The following MSRA variants were observed in gnomAD, a reference collection of about 807,000 sequenced individuals.
The protein encoded by MSRA is mitochondrial peptide methionine sulfoxide reductase.
In MSRA, 54 loss-of-function variants were observed where a neutral mutation model predicts 31.3. The ratio of observed to expected loss-of-function variants is 1.73; its 90% confidence interval spans 1.39 to 2.17. The LOEUF is 2.17. Among genes scored for constraint, MSRA ranks in the 30% most tolerant of loss-of-function variants. The pLI, the probability that MSRA is intolerant of heterozygous loss-of-function variation, is 0.00. For missense variants in MSRA, 507 were observed against 300.9 expected, an observed-to-expected ratio of 1.69 and a Z score of -5.07; for synonymous variants, 169 against 116.5, an observed-to-expected ratio of 1.45 and a Z score of -2.90.
At chr8:10,228,905 C>T (rs554091158) in intron 2 of MSRA, among the ~76,000 whole-genome samples, 1 of 152,130 alleles carries the variant, frequency 6.6e-6, no homozygotes, top group Non-Finnish European at 1.5e-5. Context: ...CATACTGTTT[C>T]CTAGAAAACG....
At chr8:10,283,757 A>T (rs1799762251) in intron 3 of MSRA, among the ~76,000 whole-genome samples, 1 of 139,652 alleles carries the variant, frequency 7.2e-6, no homozygotes, top group African/African-American at 2.7e-5. Context: ...GGTTGCTGTG[A>T]ATGCCATTAA....
At chr8:10,201,830 G>C (rs1359048680) in intron 1 of MSRA, among the ~76,000 whole-genome samples, 2 of 152,192 alleles carry the variant, frequency 1.3e-5, no homozygotes, top group Non-Finnish European at 2.9e-5. Context: ...TCTGTTTCTT[G>C]TCCTCATATC....
At chr8:10,397,013 G>C (rs1327395917) in intron 5 of MSRA, among the ~76,000 whole-genome samples, 2 of 152,308 alleles carry the variant, frequency 1.3e-5, no homozygotes, top group South Asian at 2.1e-4. Flanking sequence ...CAGGAACCTG[G>C]ATAAGGATTG....
chr8:10,072,609 A>T (rs1797792201), intron 1 of MSRA, among the ~76,000 whole-genome samples: 1 of 152,240 alleles, frequency 6.6e-6, no homozygotes, highest in African/African-American at 2.4e-5. Context: ...CCATATAAAC[A>T]TCCAAATAAA....
chr8:10,263,726 G>T (rs1028064370), intron 3 of MSRA, among the ~76,000 whole-genome samples: 1 of 152,198 alleles, frequency 6.6e-6, no homozygotes, highest in African/African-American at 2.4e-5. Flanking sequence ...AATAGGGAAA[G>T]AGCTGAGTAG....
chr8:10,240,329 G>A (rs1048983653), intron 2 of MSRA, among the ~76,000 whole-genome samples: 3 of 152,144 alleles, frequency 2.0e-5, no homozygotes, highest in Non-Finnish European at 2.9e-5. Flanking sequence ...CTTGGTGAGC[G>A]GGTGTGCATG....
In MSRA at chr8:10,108,753, C is replaced by T. The variant is rs963286706; in HGVS notation, c.142+54095C>T. Among the ~76,000 whole-genome samples, 14 of 152,130 alleles carry T rather than the reference C, an allele frequency of 9.2e-5. No individual in the cohort carries two copies. The East Asian group carries it at 1.7e-3, about 19-fold the overall frequency. On this transcript the variant is annotated intron_variant, in intron 1 of 5. Transcript: ENST00000317173. ...TAGCACTTATCAGAAATGCCTGGCA[C>T]GTTTTAAACAAACTAATGACTGGTG...
At chr8:10,139,351 C>T (rs1046364132) in intron 1 of MSRA, among the ~76,000 whole-genome samples, 2 of 152,030 alleles carry the variant, frequency 1.3e-5, no homozygotes, top group Admixed American at 6.6e-5. Flanking sequence ...TTTTAAACCA[C>T]TTCTCATGAT....
chr8:10,091,496 G>T (rs1031134516), intron 1 of MSRA, among the ~76,000 whole-genome samples: 3 of 151,988 alleles, frequency 2.0e-5, no homozygotes, highest in Admixed American at 1.3e-4. Flanking sequence ...TCCTGTCTTG[G>T]CTATTATGAA....
rs181699322 is a variant in MSRA at position 10,251,732 on chromosome 8, G to A, written c.331+6509G>A. On this transcript the variant is annotated intron_variant, in intron 3 of 5. Transcript: ENST00000317173. ...GCAAGACAGATTAGTTCAGTGAATG[G>A]ACCCATTGCCTGAAGAAAAAGTATA... 4.2e-4 allele frequency among the ~76,000 whole-genome samples: 64 copies of A among 152,214 alleles called. 2 individuals carry two copies. Among genetic ancestry groups the A allele is most frequent in the Admixed American group, 3.5e-3 (53 of 15,292 alleles).
At chr8:10,143,148 T>C (rs1248939852) in intron 1 of MSRA, among the ~76,000 whole-genome samples, 1 of 149,114 alleles carries the variant, frequency 6.7e-6, no homozygotes, top group East Asian at 2.1e-4. Context: ...GCACCGTCGT[T>C]TTGGTTTGTC....
At chr8:10,357,943 A>G (rs1423478915) in intron 5 of MSRA, among the ~76,000 whole-genome samples, 1 of 151,928 alleles carries the variant, frequency 6.6e-6, no homozygotes, top group South Asian at 2.1e-4. Context: ...TTTTTTTGAA[A>G]TGGAGTTTTA....
At chr8:10,314,854 C>T (rs1801625360) in intron 4 of MSRA, among the ~76,000 whole-genome samples, 1 of 152,160 alleles carries the variant, frequency 6.6e-6, no homozygotes, top group Admixed American at 6.5e-5. Context: ...AAGATTCAAA[C>T]TGTAGTATAA....
Position 10,399,648 on chromosome 8 carries a change from C to T in MSRA, c.544-28500C>T, listed in dbSNP as rs1288638605. ...CAACCTCTTTTCTTTACAAATTACCCAGCCTCTGATATTTATTTATAGCAA... is the reference window on the plus strand; with the variant it reads ...CAACCTCTTTTCTTTACAAATTACCTAGCCTCTGATATTTATTTATAGCAA... On this transcript the variant is annotated intron_variant, in intron 5 of 5. Coordinates refer to ENST00000317173, the MANE Select transcript of MSRA (RefSeq NM_012331.5). 1.3e-5 allele frequency among the ~76,000 whole-genome samples: 2 copies of T among 152,184 alleles called. 1 individual carries two copies. Among genetic ancestry groups the T allele is most frequent in the South Asian group, 4.1e-4 (2 of 4,832 alleles).
intron 4 of MSRA, among the ~76,000 whole-genome samples, chr8:10,309,671 C>G (rs779589482): frequency 5.3e-5 from 8 of 152,214 alleles, no homozygotes; most frequent in Non-Finnish European, 1.0e-4. Context: ...GGCCCCAGGG[C>G]CACACATCCT....
intron 1 of MSRA, among the ~76,000 whole-genome samples, chr8:10,142,739 T>C (rs1275231432): frequency 6.6e-6 from 1 of 152,202 alleles, no homozygotes; most frequent in African/African-American, 2.4e-5. Flanking sequence ...TCCCGGACTA[T>C]TTGATAAGAT....
At chr8:10,382,714 AAAG>A (rs2129175325) in intron 5 of MSRA, among the ~76,000 whole-genome samples, 1 of 152,288 alleles carries the variant, frequency 6.6e-6, no homozygotes, top group South Asian at 2.1e-4. Context: ...CGAATGGGCT[AAAG>A]GTCATTCAGG....
chr8:10,267,915 C>T (rs142567619), intron 3 of MSRA, among the ~76,000 whole-genome samples: 1 of 152,186 alleles, frequency 6.6e-6, no homozygotes, highest in East Asian at 1.9e-4. Flanking sequence ...TTTACCTTCT[C>T]TAGGGACCTT....
chr8:10,175,289 A>G (rs969527648), intron 1 of MSRA, among the ~76,000 whole-genome samples: 3 of 152,140 alleles, frequency 2.0e-5, no homozygotes, highest in African/African-American at 7.2e-5. Flanking sequence ...TCTGCTACAC[A>G]ATTTAGCATG....
Sources: gnomAD v4.1 joint callset for allele counts (sites outside exome capture counted in the v4.1 genomes callset) on GRCh38, gnomAD v4.1.1 for gene constraint, MANE v1.5 for transcripts, NCBI Gene and HGNC (gene_info 2026-07-23, HGNC 2026-07-21) for gene names.